The following DTNB variants were observed in gnomAD, a reference collection of about 807,000 sequenced individuals.
DTNB encodes the protein DTN-B.
DTNB carries 63 observed loss-of-function variants against 90.7 expected under a neutral mutation model. The ratio of observed to expected loss-of-function variants is 0.69; its 90% CI spans 0.57 to 0.86. The LOEUF is 0.86. Among genes scored for constraint, DTNB ranks in the 40% least tolerant of loss-of-function variants. The pLI, the probability that DTNB is intolerant of heterozygous loss-of-function variation, is 0.00. For synonymous variants in DTNB, 277 were observed against 286.7 expected, an observed-to-expected ratio of 0.97 and a Z score of 0.34; for missense variants, 744 against 807.1, an observed-to-expected ratio of 0.92 and a Z score of 0.95.
chr2:25,662,685 C>CACAA (rs1553662361), intron 1 of DTNB, among the ~76,000 whole-genome samples: 12 of 128,908 alleles, frequency 9.3e-5, no homozygotes, highest in African/African-American at 3.8e-4. Flanking sequence ...CACACAAACA[C>CACAA]ACACACACAC....
chr2:25,647,154 T>C (rs183650757), intron 2 of DTNB, among the ~76,000 whole-genome samples: 4 of 152,280 alleles, frequency 2.6e-5, no homozygotes, highest in East Asian at 1.9e-4. Context: ...CAAAATAGAC[T>C]TCAAAGCATC....
intron 9 of DTNB, among the ~76,000 whole-genome samples, chr2:25,488,447 T>C (rs2066658911): frequency 6.6e-6 from 1 of 152,040 alleles, no homozygotes; most frequent in Non-Finnish European, 1.5e-5. Context: ...AGCAGGAAGA[T>C]AAGAGTGAAT....
chr2:25,531,545 A>C lies in DTNB; in HGVS notation c.929T>G (p.Val310Gly). 1.2e-6 allele frequency: 2 copies of C among 1,613,904 alleles called. No individual in the cohort carries two copies. The highest frequency in any genetic ancestry group is 2.7e-5 in the African/African-American group (2 of 75,042). ...AGGATGCGGGGGTTCTCTCGTGGGTACACACCCCAAAGATTTACTAATTGC... is the reference window on the plus strand; with the variant it reads ...AGGATGCGGGGGTTCTCTCGTGGGTCCACACCCCAAAGATTTACTAATTGC... ...SHAISKSLGC[V>G]PTREPPHPVF... The change falls in exon 9 of 21, where the codon GTA (valine) becomes GGA (glycine). Residue 310 changes from valine to glycine, a missense_variant. Transcript: ENST00000406818.
intron 13 of DTNB, among the ~76,000 whole-genome samples, chr2:25,433,568 A>G (rs994336082): frequency 2.6e-5 from 4 of 151,696 alleles, no homozygotes; most frequent in African/African-American, 9.7e-5. Flanking sequence ...TACATAGCAT[A>G]ATGGGTCAGG....
intron 14 of DTNB, among the ~76,000 whole-genome samples, chr2:25,431,235 CTT>C (rs2053749007): frequency 6.7e-6 from 1 of 149,936 alleles, no homozygotes; most frequent in Non-Finnish European, 1.5e-5. Flanking sequence ...GAGTTTTGCT[CTT>C]GTTGCCCAGG....
intron 6 of DTNB, among the ~76,000 whole-genome samples, chr2:25,589,745 A>C (rs2148329951): frequency 6.6e-6 from 1 of 152,078 alleles, no homozygotes; most frequent in Non-Finnish European, 1.5e-5. Flanking sequence ...CTTCGAACTA[A>C]AGTCAATATT....
chr2:25,588,976 T>C (rs1194045133), intron 6 of DTNB, among the ~76,000 whole-genome samples: 1 of 152,140 alleles, frequency 6.6e-6, no homozygotes, highest in East Asian at 1.9e-4. Context: ...AAATAACAAA[T>C]ATAGATACAC....
At chr2:25,472,461 G>A (rs1466361378) in intron 10 of DTNB, among the ~76,000 whole-genome samples, 1 of 152,194 alleles carries the variant, frequency 6.6e-6, no homozygotes, top group Non-Finnish European at 1.5e-5. Context: ...GGTAGGGCTG[G>A]AAGGGCTGGC....
At chr2:25,593,050 C>CCTCCAATGTACTTTTT (rs1559157669) in intron 6 of DTNB, among the ~76,000 whole-genome samples, 200 of 152,260 alleles carry the variant, frequency 1.3e-3, no homozygotes, top group African/African-American at 4.4e-3. Context: ...GGAGGCAAAA[C>CCTCCAATGTACTTTTT]GTCTTCACAG....
chr2:25,440,175 G>A (rs1041240261), intron 12 of DTNB, among the ~76,000 whole-genome samples: 2 of 152,178 alleles, frequency 1.3e-5, no homozygotes, highest in Non-Finnish European at 2.9e-5. Context: ...GAAGGGTCTC[G>A]GCTTCCTGTG....
At chr2:25,580,058 T>G (rs866026144) in intron 7 of DTNB, among the ~76,000 whole-genome samples, 44 of 147,330 alleles carry the variant, frequency 3.0e-4, no homozygotes, top group African/African-American at 9.8e-4. Context: ...CTCAACTCAT[T>G]GCAGCCTCCA....
chr2:25,434,006 G>C lies in DTNB; in HGVS notation c.1258-11C>G. The C allele has an allele frequency of 1.3e-6, 2 of 1,594,402 alleles. No homozygotes were observed. Among genetic ancestry groups the C allele is most frequent in the Non-Finnish European group, 8.5e-7 (1 of 1,175,462 alleles). ...AGTGGGAGGACGAGTCTAAAGTGGG[G>C]AAGTCGGGAGAAAGTTTTTTTTTTT... On this transcript the variant is annotated splice_polypyrimidine_tract_variant and intron_variant, in intron 12 of 20. Transcript: ENST00000406818.
chr2:25,448,093 C>T (rs2058696890), intron 12 of DTNB, among the ~76,000 whole-genome samples: 2 of 152,230 alleles, frequency 1.3e-5, no homozygotes, highest in Admixed American at 1.3e-4. Context: ...CTCACAGAAG[C>T]TATCCCTTAC....
intron 9 of DTNB, among the ~76,000 whole-genome samples, chr2:25,522,148 G>C (rs1440134257): frequency 2.0e-5 from 3 of 152,236 alleles, no homozygotes; most frequent in Non-Finnish European, 4.4e-5. Flanking sequence ...ATTTCTCTCA[G>C]AGACCTGGAA....
intron 4 of DTNB, among the ~76,000 whole-genome samples, chr2:25,625,642 G>A (rs535677345): frequency 7.2e-4 from 97 of 134,934 alleles, no homozygotes; most frequent in South Asian, 1.6e-3. Flanking sequence ...ACTTATTCTC[G>A]TCTCTCTGTA....
intron 9 of DTNB, among the ~76,000 whole-genome samples, chr2:25,521,112 A>G (rs1276828002): frequency 6.6e-6 from 1 of 152,136 alleles, no homozygotes; most frequent in East Asian, 1.9e-4. Context: ...TGTTATCTTC[A>G]CCGCTGCGTG....
At chr2:25,663,108 T>C (rs1210264346) in intron 1 of DTNB, among the ~76,000 whole-genome samples, 1 of 147,458 alleles carries the variant, frequency 6.8e-6, no homozygotes, top group African/African-American at 2.5e-5. Context: ...TTCCCTTCCC[T>C]GTATCCATGT....
Position 25,639,091 on chromosome 2 carries a change from G to T in DTNB, c.71C>A (p.Ala24Asp). The change falls in exon 3 of 21, where the codon GCT (alanine) becomes GAT (aspartate). Residue 24 changes from alanine (A) to aspartate (D), a missense_variant. Coordinates refer to ENST00000406818, the MANE Select transcript of DTNB (RefSeq NM_021907.5). ...TAGTCGTATGACATCAAAATTCTGA[G>T]CACCTGAAAAAAGGCAAACAGAAAT... is the stretch of plus-strand genomic sequence containing the variant. Reference protein sequence around the residue: ...EKRQLFIEMRAQNFDVIRLST... With the variant: ...EKRQLFIEMRDQNFDVIRLST... 1 of 1,574,030 alleles carries T rather than the reference G, an allele frequency of 6.4e-7. No individual in the cohort carries two copies. The highest frequency in any genetic ancestry group is 1.2e-5 in the South Asian group (1 of 85,206).
chr2:25,469,689 TG>T (rs1271606382), intron 10 of DTNB, among the ~76,000 whole-genome samples: 2 of 152,238 alleles, frequency 1.3e-5, no homozygotes, highest in East Asian at 3.9e-4. Context: ...TCAAGTGATC[TG>T]TCTGGCCTCC....
Sources: allele counts gnomAD v4.1 joint callset (sites outside exome capture counted in the v4.1 genomes callset), GRCh38; gene constraint gnomAD v4.1.1; transcripts MANE v1.5; gene names NCBI Gene and HGNC (gene_info 2026-07-23, HGNC 2026-07-21).